The following PVT1 variants were observed in gnomAD, a reference collection of about 807,000 sequenced individuals.
PVT1 encodes the protein CXCR4/PVT1 fusion.
chr8:127,814,503 A>G (rs1357136886), intron 2 of PVT1, among the ~76,000 whole-genome samples: 3 of 152,198 alleles, frequency 2.0e-5, no homozygotes, highest in Non-Finnish European at 4.4e-5. Context: ...CTCCTGCTGC[A>G]TGCTGGGCAA....
At chr8:127,902,517 G>A (rs1010636071) in intron 3 of PVT1, among the ~76,000 whole-genome samples, 10 of 151,496 alleles carry the variant, frequency 6.6e-5, no homozygotes, top group African/African-American at 2.4e-4. Context: ...GAAGTTTGGA[G>A]TATGATTGAA....
chr8:127,821,498 T>C (rs1388803631), intron 2 of PVT1, among the ~76,000 whole-genome samples: 1 of 152,226 alleles, frequency 6.6e-6, no homozygotes, highest in Non-Finnish European at 1.5e-5. Context: ...TTAGTATTTT[T>C]TAATGTAGCA....
chr8:127,907,299 C>A (rs571459029), intron 3 of PVT1, among the ~76,000 whole-genome samples: 15 of 152,168 alleles, frequency 9.9e-5, no homozygotes, highest in Non-Finnish European at 2.1e-4. Context: ...TGTTTCCAGA[C>A]CGCCTGCTTC....
chr8:128,046,533 G>T (rs912554934), intron 4 of PVT1, among the ~76,000 whole-genome samples: 1 of 152,200 alleles, frequency 6.6e-6, no homozygotes, highest in African/African-American at 2.4e-5. Context: ...TCACTAGTTC[G>T]TGCTCCATGG....
At chr8:127,897,870 G>GGAAAGAAAGAAA (rs139029855) in intron 3 of PVT1, among the ~76,000 whole-genome samples, 2 of 132,086 alleles carry the variant, frequency 1.5e-5, no homozygotes, top group East Asian at 2.3e-4. Context: ...AAGGAAGAAA[G>GGAAAGAAAGAAA]GAAAGAAAGA....
At chr8:128,021,337 A>C (rs753249123) in intron 4 of PVT1, among the ~76,000 whole-genome samples, 26 of 121,262 alleles carry the variant, frequency 2.1e-4, no homozygotes, top group Non-Finnish European at 3.1e-4. Context: ...TCTGTTGCTC[A>C]GGCTGGAGCA....
At chr8:128,074,508 G>A (rs1382339705) in intron 5 of PVT1, among the ~76,000 whole-genome samples, 1 of 137,516 alleles carries the variant, frequency 7.3e-6, no homozygotes, top group Admixed American at 7.4e-5. Flanking sequence ...GAGTGACAGA[G>A]TGAGACTGTC....
chr8:128,051,659 A>C (rs1342276289), intron 4 of PVT1, among the ~76,000 whole-genome samples: 3 of 151,854 alleles, frequency 2.0e-5, no homozygotes, highest in African/African-American at 4.8e-5. Flanking sequence ...TCTTCTGACT[A>C]ATTTCAAATG....
At chr8:127,935,832 G>T (rs1214628765) in intron 3 of PVT1, among the ~76,000 whole-genome samples, 3 of 152,114 alleles carry the variant, frequency 2.0e-5, no homozygotes, top group Non-Finnish European at 2.9e-5. Flanking sequence ...GATGATCTTG[G>T]CTGTAATGAC....
intron 3 of PVT1, among the ~76,000 whole-genome samples, chr8:127,971,157 C>T (rs1024534855): frequency 2.0e-5 from 3 of 152,226 alleles, no homozygotes; most frequent in Non-Finnish European, 2.9e-5. Flanking sequence ...TCTAACTAGT[C>T]GGAGCTATTT....
intron 3 of PVT1, among the ~76,000 whole-genome samples, chr8:127,921,023 T>G (rs1425385817): frequency 6.6e-6 from 1 of 152,254 alleles, no homozygotes; most frequent in East Asian, 1.9e-4. Flanking sequence ...GTGTTGGTCC[T>G]TAATGATTGC....
rs557508642 is a variant in PVT1 at position 127,966,855 on chromosome 8, G to C, written n.783-22307G>C. Among the ~76,000 whole-genome samples, 5 of 152,262 alleles carry C rather than the reference G, an allele frequency of 3.3e-5. No homozygotes were observed. The East Asian group carries it at 9.7e-4, about 29-fold the overall frequency. On this transcript the variant is annotated intron_variant and non_coding_transcript_variant, in intron 3 of 10. Transcript: ENST00000651587. ...TTTCATCTTTTAGGGGTATGGTGGGGAGTACCTGCTGACGGGGATATTAGA... is the reference window on the plus strand; with the variant it reads ...TTTCATCTTTTAGGGGTATGGTGGGCAGTACCTGCTGACGGGGATATTAGA...
intron 2 of PVT1, among the ~76,000 whole-genome samples, chr8:127,881,179 T>C (rs1046601607): frequency 6.6e-6 from 1 of 152,112 alleles, no homozygotes; most frequent in Non-Finnish European, 1.5e-5. Context: ...ATTAGGGAAC[T>C]GGACTGGGTT....
intron 3 of PVT1, among the ~76,000 whole-genome samples, chr8:127,983,341 G>A (rs961800526): frequency 2.6e-5 from 4 of 152,142 alleles, no homozygotes; most frequent in Admixed American, 1.3e-4. Context: ...AGTTTTCTAC[G>A]TAATAAATCC....
chr8:127,794,639 G>A (rs1278669593), exon 1 of PVT1: 1 of 152,734 alleles, frequency 6.5e-6, no homozygotes, highest in Non-Finnish European at 1.5e-5. Flanking sequence ...GCAAAGATGT[G>A]CCCCGGGACC....
At chr8:127,874,518 A>G (rs375664524) in intron 2 of PVT1, among the ~76,000 whole-genome samples, 3 of 152,232 alleles carry the variant, frequency 2.0e-5, no homozygotes, top group East Asian at 1.9e-4. Context: ...TCCCACCCAT[A>G]TGGCTGGTGC....
intron 3 of PVT1, among the ~76,000 whole-genome samples, chr8:127,967,329 G>C (rs79870654): frequency 3.9e-5 from 6 of 152,100 alleles, no homozygotes; most frequent in African/African-American, 1.4e-4. Flanking sequence ...TTAGAGAAGA[G>C]GGGGGAAGGA....
At chr8:127,950,022 CG>C in intron 3 of PVT1, among the ~76,000 whole-genome samples, 1 of 152,226 alleles carries the variant, frequency 6.6e-6, no homozygotes, top group South Asian at 2.1e-4. Flanking sequence ...TGCCAGAGGA[CG>C]GGAGTTTCCC....
chr8:127,999,602 C>T (rs1194366741), intron 4 of PVT1, among the ~76,000 whole-genome samples: 5 of 152,112 alleles, frequency 3.3e-5, no homozygotes, highest in Admixed American at 1.3e-4. Flanking sequence ...GCTGGGATTA[C>T]AGGTGCACAC....
Sources: gnomAD v4.1 joint callset for allele counts (sites outside exome capture counted in the v4.1 genomes callset) on GRCh38, gnomAD v4.1.1 for gene constraint, MANE v1.5 for transcripts, NCBI Gene and HGNC (gene_info 2026-07-23, HGNC 2026-07-21) for gene names.